SETD4: variants seen among roughly 807,000 people sequenced by gnomAD.
The protein encoded by SETD4 is SET domain containing 4.
Under a neutral mutation model 58.3 loss-of-function variants are expected in SETD4, and 46 were observed. The ratio of observed to expected loss-of-function variants is 0.79; its 90% CI spans 0.62 to 1.01. The LOEUF is 1.01. Ranked by LOEUF, SETD4 falls within the 50% of genes least tolerant of loss-of-function variation. The probability of loss-of-function intolerance (pLI) is 0.00; values close to 1 mark genes in which losing one functional copy is unlikely to be tolerated. For missense variants in SETD4, 490 were observed against 523.3 expected (o/e 0.94, Z 0.62); for synonymous variants, 190 against 202.6 (o/e 0.94, Z 0.53).
At chr21:36,049,717 C>G (rs973389388) in intron 4 of SETD4, among the ~76,000 whole-genome samples, 10 of 152,184 alleles carry the variant, frequency 6.6e-5, no homozygotes, top group African/African-American at 2.2e-4. Context: ...TCTTTATCAT[C>G]AAAATGCAAA....
chr21:36,050,366 G>A (rs1263353713), intron 4 of SETD4: 1 of 1,613,798 alleles, frequency 6.2e-7, no homozygotes, highest in African/African-American at 1.3e-5. Flanking sequence ...ATGAGGTGGT[G>A]CTGACAATGG....
At chr21:36,038,736 G>A (rs554642950) in intron 9 of SETD4, among the ~76,000 whole-genome samples, 2 of 152,292 alleles carry the variant, frequency 1.3e-5, no homozygotes, top group South Asian at 4.1e-4. Context: ...AATGCTCCAT[G>A]TCTGGAAGGA....
At chr21:36,059,685 C>T in intron 1 of SETD4, 1 of 944,878 alleles carries the variant, frequency 1.1e-6, no homozygotes, top group Non-Finnish European at 1.3e-6. Context: ...GAGACTCTGT[C>T]ACAAAAAATA....
At chr21:36,049,764 T>G (rs1357651578) in intron 4 of SETD4, among the ~76,000 whole-genome samples, 1 of 152,236 alleles carries the variant, frequency 6.6e-6, no homozygotes, top group Non-Finnish European at 1.5e-5. Context: ...ATATGTAAAA[T>G]ATGTCTCAAT....
chr21:36,048,020 AAG>A (rs1019720138), intron 5 of SETD4, among the ~76,000 whole-genome samples: 5 of 136,938 alleles, frequency 3.7e-5, no homozygotes, highest in Admixed American at 7.3e-5. Context: ...GAGAGAGAGA[AAG>A]AGAGAGAGAG....
intron 9 of SETD4, among the ~76,000 whole-genome samples, chr21:36,039,520 G>A (rs1413476200): frequency 6.6e-6 from 1 of 152,166 alleles, no homozygotes; most frequent in Non-Finnish European, 1.5e-5. Flanking sequence ...AAAATAAAAG[G>A]TAAGATGAAT....
chr21:36,038,543 A>T (rs571503847), intron 9 of SETD4, among the ~76,000 whole-genome samples: 2 of 152,194 alleles, frequency 1.3e-5, no homozygotes, highest in Admixed American at 1.3e-4. Flanking sequence ...TATCATCACA[A>T]ACCTGTGTCT....
Position 36,045,949 on chromosome 21 carries a change from G to A in SETD4, c.359C>T (p.Ala120Val), listed in dbSNP as rs766906821. The A allele has an allele frequency of 6.2e-7, 1 of 1,614,238 alleles. No individual in the cohort carries two copies. Among genetic ancestry groups the A allele is most frequent in the Admixed American group, 1.7e-5 (1 of 60,034 alleles). ...LCTFLVSEKH[A>V]GHRSLWKPYL... ...AGGCTTCCAAAGAGATCGGTGCCCA[G>A]CATGCTTTTCTGAAACTAAAAAGGT... The change falls in exon 6 of 12, where the codon GCT (alanine) becomes GTT (valine). Residue 120 changes from alanine to valine, a missense_variant. Ala to Val is a moderately conservative substitution (Grantham distance 64). Transcript: ENST00000332131.
At chr21:36,050,693 T>A (rs1034618430) in intron 4 of SETD4, 1 of 1,607,760 alleles carries the variant, frequency 6.2e-7, no homozygotes, top group African/African-American at 1.3e-5. Context: ...TAGTAAAGAA[T>A]ACGCGGGGTC....
intron 9 of SETD4, 59 bp downstream of exon 9, chr21:36,040,516 C>T (rs1568905047): frequency 6.9e-7 from 1 of 1,455,456 alleles, no homozygotes; most frequent in Non-Finnish European, 9.6e-7. Flanking sequence ...ACAAACCAAC[C>T]CTCCAAAGTT....
rs2063759854 is a variant in SETD4 at position 36,035,883 on chromosome 21, C to G, written c.*110G>C. 1 of 538,680 alleles carries G rather than the reference C, an allele frequency of 1.9e-6. No homozygotes were observed. The highest frequency in any genetic ancestry group is 1.9e-5 in the African/African-American group (1 of 52,246). The allele number at this position is 538,680 out of a possible 1,614,324, so 33.4% of individuals were successfully genotyped here. A position where few individuals can be genotyped will look rare whatever the true frequency, so the allele number is the denominator to read the frequency against. ...CACAATCCCAGAACCTGTGCTGCCC[C>G]CTGCAGAAATCCTGCATGTCCTGGG... On this transcript the variant is annotated 3_prime_UTR_variant, in exon 12 of 12. Coordinates refer to ENST00000332131, the MANE Select transcript of SETD4 (RefSeq NM_017438.5).
chr21:36,037,634 G>T (rs1375553892), intron 10 of SETD4, among the ~76,000 whole-genome samples: 1 of 148,628 alleles, frequency 6.7e-6, no homozygotes, highest in Admixed American at 6.7e-5. Context: ...AAAAGAAAAA[G>T]AAAAAATAAA....
intron 1 of SETD4, chr21:36,060,003 C>A (rs761585709): frequency 5.6e-5 from 55 of 985,642 alleles, no homozygotes; most frequent in Middle Eastern, 5.2e-4. Context: ...CAGACACAGG[C>A]ACCGTCCCCG....
intron 4 of SETD4, chr21:36,052,863 C>T (rs920733491): frequency 6.6e-6 from 1 of 152,170 alleles, no homozygotes; most frequent in African/African-American, 2.4e-5. Flanking sequence ...CAGCTGAAGG[C>T]AACTCTGGCC....
chr21:36,060,226 C>G, intron 1 of SETD4, 121 bp downstream of exon 1: 1 of 665,802 alleles, frequency 1.5e-6, no homozygotes, highest in South Asian at 6.7e-5. Flanking sequence ...TGGAGGGGAC[C>G]TGCGACCTAA....
intron 10 of SETD4, among the ~76,000 whole-genome samples, chr21:36,037,040 G>A (rs1467300943): frequency 6.6e-6 from 1 of 152,122 alleles, no homozygotes; most frequent in Non-Finnish European, 1.5e-5. Flanking sequence ...AGAGGGATTA[G>A]GGAGATGTTG....
In SETD4 at chr21:36,043,704, T is replaced by A; in HGVS notation, c.901+78A>T. The A allele has an allele frequency of 3.2e-6, 5 of 1,571,850 alleles. No individual in the cohort carries two copies. The South Asian group carries it at 5.9e-5, about 19-fold the overall frequency. On this transcript the variant is annotated intron_variant, in intron 7 of 11. Coordinates refer to ENST00000332131, the MANE Select transcript of SETD4 (RefSeq NM_017438.5). ...CAGTCTTAAGGTTTTGATATTTTTA[T>A]TAAAACTGAAAATACACATCTCCAA...
chr21:36,053,487 G>A (rs1256244294), intron 4 of SETD4, 96 bp downstream of exon 4: 3 of 1,170,356 alleles, frequency 2.6e-6, no homozygotes, highest in Admixed American at 3.4e-5. Flanking sequence ...AGAAATGACT[G>A]TATGTCTGAA....
At chr21:36,039,997 G>T (rs1431685906) in intron 9 of SETD4, among the ~76,000 whole-genome samples, 1 of 152,234 alleles carries the variant, frequency 6.6e-6, no homozygotes, top group Non-Finnish European at 1.5e-5. Context: ...CCCTGCCAGG[G>T]ACTCAGGCTG....
Sources: gnomAD v4.1 joint callset for allele counts (sites outside exome capture counted in the v4.1 genomes callset) on GRCh38, gnomAD v4.1.1 for gene constraint, MANE v1.5 for transcripts, NCBI Gene and HGNC (gene_info 2026-07-23, HGNC 2026-07-21) for gene names.